MAGEC3: variants seen among roughly 807,000 people sequenced by gnomAD.
MAGEC3 encodes the protein MAGE family member C3, also known as melanoma-associated antigen C3.
A neutral mutation model predicts 35.3 loss-of-function variants in MAGEC3; 34 were observed. The observed-to-expected ratio is 0.96, with a 90% CI of 0.73 to 1.28. MAGEC3 has a LOEUF of 1.28. MAGEC3 is among the 50% of genes most tolerant of loss of function. MAGEC3 has a pLI of 0.00. For synonymous variants in MAGEC3, 202 were observed against 185.6 expected (o/e 1.09, Z -0.72); for missense variants, 561 against 483.6 (o/e 1.16, Z -1.50).
intron 1 of MAGEC3, among the ~76,000 whole-genome samples, chrX:141,861,791 G>C (rs148990828): frequency 0.021 from 2,323 of 111,444 alleles, 16 homozygotes; most frequent in Middle Eastern, 0.041. Context: ...TAAGACAACT[G>C]AAGATTTTAC....
intron 1 of MAGEC3, chrX:141,840,059 A>G: frequency 1.4e-6 from 1 of 730,582 alleles, no homozygotes; most frequent in Non-Finnish European, 1.6e-6. Context: ...CAGAATGTGC[A>G]CAATGGAAAT....
chrX:141,872,258 A>G (rs1431269401), intron 2 of MAGEC3, among the ~76,000 whole-genome samples: 1 of 111,188 alleles, frequency 9.0e-6, no homozygotes, highest in Non-Finnish European at 1.9e-5. Context: ...AAGCCATTTT[A>G]CAGTAGAAAA....
At chrX:141,893,216 C>T in intron 4 of MAGEC3, among the ~76,000 whole-genome samples, 1 of 111,793 alleles carries the variant, frequency 8.9e-6, no homozygotes, top group Middle Eastern at 4.6e-3. Context: ...GTATGTTGAG[C>T]AACAGGAGCT....
At chrX:141,861,524 C>T (rs2017814826) in intron 1 of MAGEC3, among the ~76,000 whole-genome samples, 1 of 111,684 alleles carries the variant, frequency 9.0e-6, no homozygotes, top group Non-Finnish European at 1.9e-5. Flanking sequence ...CACTACCTGA[C>T]TTCAAAATAT....
intron 4 of MAGEC3, chrX:141,894,525 A>G: frequency 3.7e-6 from 2 of 534,136 alleles, no homozygotes; most frequent in South Asian, 6.6e-5. Context: ...TTTGGAATGG[A>G]TTTTAGAGGA....
rs767634217 is a variant in MAGEC3 at position 141,891,518 on chromosome X, T to A, written c.910-3751T>A. The stretch of plus-strand genomic sequence containing the variant: ...GCATATATTATTGTTGCAAAAAAAA[T>A]GATAAAAATACATGGAAATCACAAT... On this transcript the variant is annotated intron_variant, in intron 4 of 7. Transcript: ENST00000298296. Among the ~76,000 whole-genome samples, 4 of 109,180 alleles carry A rather than the reference T, an allele frequency of 3.7e-5. No individual in the cohort carries two copies. In the South Asian group the frequency reaches 1.6e-3, roughly 42 times the overall value. 94.8% of individuals were successfully genotyped at this position (109,180 alleles called of 115,157 possible).
At chrX:141,892,789 G>A (rs1159673182) in intron 4 of MAGEC3, among the ~76,000 whole-genome samples, 3 of 111,360 alleles carry the variant, frequency 2.7e-5, no homozygotes, top group East Asian at 2.8e-4. Flanking sequence ...TTTTGATGAC[G>A]GCTTTTTCAG....
chrX:141,895,868 G>A (rs1043826134), intron 6 of MAGEC3, among the ~76,000 whole-genome samples: 1 of 110,844 alleles, frequency 9.0e-6, no homozygotes, highest in Non-Finnish European at 1.9e-5. Context: ...AGGACGGAGA[G>A]GTCCCACGTG....
intron 2 of MAGEC3, among the ~76,000 whole-genome samples, chrX:141,877,157 C>A (rs1178408146): frequency 8.9e-6 from 1 of 111,955 alleles, no homozygotes; most frequent in Non-Finnish European, 1.9e-5. Flanking sequence ...ATTGAATCTT[C>A]ATGCCCATGA....
intron 2 of MAGEC3, among the ~76,000 whole-genome samples, chrX:141,871,291 C>T (rs1569473844): frequency 9.0e-6 from 1 of 111,457 alleles, no homozygotes; most frequent in Non-Finnish European, 1.9e-5. Context: ...AGATTGAAGA[C>T]AAAGACAGAT....
intron 1 of MAGEC3, chrX:141,839,639 G>T (rs2017674545): frequency 2.7e-6 from 2 of 748,098 alleles, no homozygotes; most frequent in South Asian, 1.4e-4. Context: ...ATCTTCAGTA[G>T]ATTTTATTTT....
At chrX:141,890,030 A>G (rs995830750) in intron 4 of MAGEC3, among the ~76,000 whole-genome samples, 3 of 111,604 alleles carry the variant, frequency 2.7e-5, no homozygotes, top group African/African-American at 9.8e-5. Flanking sequence ...TGTTGACTTC[A>G]TATCAGCATT....
At chrX:141,875,882 G>A (rs987559208) in intron 2 of MAGEC3, among the ~76,000 whole-genome samples, 1 of 111,523 alleles carries the variant, frequency 9.0e-6, no homozygotes, top group African/African-American at 3.3e-5. Context: ...CACCAATCCT[G>A]GCTATGAGCA....
intron 4 of MAGEC3, among the ~76,000 whole-genome samples, chrX:141,885,158 A>G (rs1854961100): frequency 8.9e-6 from 1 of 111,849 alleles, no homozygotes; most frequent in South Asian, 3.7e-4. Flanking sequence ...GGTGAAGTTC[A>G]GAGTATGACC....
At chrX:141,891,667 A>G (rs12009389) in intron 4 of MAGEC3, among the ~76,000 whole-genome samples, 21,062 of 104,190 alleles carry the variant, frequency 0.2, 3,917 homozygotes, top group African/African-American at 0.58. Context: ...GTGTGTGTGT[A>G]TATATATATG....
chrX:141,872,345 G>A (rs759979063), intron 2 of MAGEC3, among the ~76,000 whole-genome samples: 11 of 111,399 alleles, frequency 9.9e-5, no homozygotes, highest in Admixed American at 5.7e-4. Flanking sequence ...AGGGAAGGAC[G>A]TAGGAATGTG....
chrX:141,894,801 G>C, intron 4 of MAGEC3: 7 of 962,880 alleles, frequency 7.3e-6, no homozygotes, highest in Non-Finnish European at 9.3e-6. Context: ...AGATGGAGAG[G>C]TGAAAACGGA....
chrX:141,881,475 C>T lies in MAGEC3; in HGVS notation c.588C>T (p.Leu196=), dbSNP rs1411566598. ...EKVDKLVQFL[L]LKYQAKEPLT... is the part of the protein sequence containing the mutation. Reference sequence around the variant, plus strand: ...TGGACAAGTTGGTGCAGTTTCTTCTCCTCAAATATCAAGCAAAAGAGCCTC... The same window carrying T: ...TGGACAAGTTGGTGCAGTTTCTTCTTCTCAAATATCAAGCAAAAGAGCCTC... The change falls in exon 4 of 8, where the codon CTC becomes CTT. Residue 196 remains leucine (L), a synonymous_variant. Coordinates refer to ENST00000298296, the MANE Select transcript of MAGEC3 (RefSeq NM_138702.1). 1 of 1,210,928 alleles carries T rather than the reference C, an allele frequency of 8.3e-7. No individual in the cohort carries two copies. Among genetic ancestry groups the T allele is most frequent in the East Asian group, 3.0e-5 (1 of 33,786 alleles).
Position 141,858,536 on chromosome X carries a change from A to G in MAGEC3, c.124-6935A>G, listed in dbSNP as rs188857208. On this transcript the variant is annotated intron_variant, in intron 1 of 7. Transcript: ENST00000298296. ...TTTTATGACTTTATTTTATTTACAT[A>G]CATAATTTTACATAAATGCATTATC... Among the ~76,000 whole-genome samples the G allele has an allele frequency of 5.4e-3, 598 of 111,300 alleles. 6 individuals are homozygous for G. Among genetic ancestry groups the G allele is most frequent in the African/African-American group, 0.016 (478 of 30,730 alleles).
Sources: gnomAD v4.1 joint callset for allele counts (sites outside exome capture counted in the v4.1 genomes callset) on GRCh38, gnomAD v4.1.1 for gene constraint, MANE v1.5 for transcripts, NCBI Gene and HGNC (gene_info 2026-07-23, HGNC 2026-07-21) for gene names.